The following CLMP variants were observed in gnomAD, a reference collection of about 807,000 sequenced individuals.
CLMP encodes the protein CXADR like cell adhesion molecule, also known as CXADR-like membrane protein.
Under a neutral mutation model 45.2 loss-of-function variants are expected in CLMP, and 27 were observed. The observed-to-expected ratio is 0.60, with a 90% CI of 0.44 to 0.82. CLMP has a LOEUF of 0.82. CLMP is among the 40% of genes least tolerant of loss of function. CLMP has a pLI of 0.00. For missense variants in CLMP, 403 were observed against 448.4 expected (o/e 0.90, Z 0.91); for synonymous variants, 167 against 171.4 (o/e 0.97, Z 0.20).
chr11:123,158,551 G>A (rs1215028891), intron 1 of CLMP, among the ~76,000 whole-genome samples: 1 of 152,184 alleles, frequency 6.6e-6, no homozygotes, highest in Non-Finnish European at 1.5e-5. Flanking sequence ...CTTTAAAAGG[G>A]CACTGCTCGT....
intron 1 of CLMP, among the ~76,000 whole-genome samples, chr11:123,156,546 T>C (rs1861417661): frequency 6.6e-6 from 1 of 152,244 alleles, no homozygotes; most frequent in Admixed American, 6.5e-5. Context: ...GGGGGATTTT[T>C]TTGGTAGTGA....
At chr11:123,132,787 A>AT (rs550655741) in intron 1 of CLMP, among the ~76,000 whole-genome samples, 4,556 of 144,208 alleles carry the variant, frequency 0.032, 249 homozygotes, top group African/African-American at 0.11. Context: ...TTATTTATTT[A>AT]TTTTTTTTTG....
chr11:123,099,775 C>T (rs1417133044), intron 1 of CLMP, among the ~76,000 whole-genome samples: 1 of 151,958 alleles, frequency 6.6e-6, no homozygotes, highest in Non-Finnish European at 1.5e-5. Context: ...ACAAATTATG[C>T]GGGAAAAGTG....
At position 123,074,601 on chromosome 11, in the gene CLMP, T is replaced by C. The variant is rs994446724; in HGVS notation, c.821+101A>G. The C allele has an allele frequency of 9.0e-6, 11 of 1,224,588 alleles. No individual in the cohort carries two copies. The African/African-American group carries it at 1.5e-4, about 17-fold the overall frequency. 75.9% of individuals were successfully genotyped at this position (1,224,588 alleles called of 1,614,324 possible). ...CTACCAGGATAATCCTTTTAACAGATTCATGGTTAAGAGAAAACTGGGAAC... is the reference window on the plus strand; with the variant it reads ...CTACCAGGATAATCCTTTTAACAGACTCATGGTTAAGAGAAAACTGGGAAC... On this transcript the variant is annotated intron_variant, in intron 6 of 6. Transcript: ENST00000448775.
intron 2 of CLMP, among the ~76,000 whole-genome samples, chr11:123,086,175 G>A (rs184842219): frequency 6.6e-6 from 1 of 152,252 alleles, no homozygotes; most frequent in East Asian, 1.9e-4. Flanking sequence ...GCTTCCCAAA[G>A]TGCTGGGATT....
At chr11:123,176,821 G>A (rs991254105) in intron 1 of CLMP, among the ~76,000 whole-genome samples, 20 of 152,148 alleles carry the variant, frequency 1.3e-4, no homozygotes, top group Non-Finnish European at 2.8e-4. Flanking sequence ...TTTATATGTG[G>A]CATGTGGTGT....
chr11:123,119,324 C>T (rs890845103), intron 1 of CLMP, among the ~76,000 whole-genome samples: 1 of 151,918 alleles, frequency 6.6e-6, no homozygotes, highest in Admixed American at 6.6e-5. Context: ...CTCAGGTGAT[C>T]CGCCTGCCTC....
intron 5 of CLMP, among the ~76,000 whole-genome samples, chr11:123,079,311 C>T (rs187265905): frequency 6.6e-6 from 1 of 152,222 alleles, no homozygotes; most frequent in Admixed American, 6.6e-5. Flanking sequence ...TTTATATTTA[C>T]TAAACTGATA....
At chr11:123,170,972 G>A (rs751153572) in intron 1 of CLMP, among the ~76,000 whole-genome samples, 3 of 152,156 alleles carry the variant, frequency 2.0e-5, no homozygotes, top group African/African-American at 4.8e-5. Context: ...GTGGGGAGAC[G>A]TTCGAATACA....
At position 123,071,099 on chromosome 11, in the gene CLMP, A is replaced by G. The variant is rs1366981131; in HGVS notation, c.*2375T>C. On this transcript the variant is annotated 3_prime_UTR_variant, in exon 7 of 7. Coordinates refer to ENST00000448775, the MANE Select transcript of CLMP (RefSeq NM_024769.5). The stretch of plus-strand genomic sequence containing the variant: ...GAAACATGCTTTCATCACCACATTC[A>G]GCATCAATTTTTTTCTTTCCTCTAA... The G allele has an allele frequency of 2.0e-5, 3 of 152,184 alleles. No individual in the cohort carries two copies. Among genetic ancestry groups the G allele is most frequent in the Non-Finnish European group, 4.4e-5 (3 of 68,056 alleles). The allele number at this position is 152,184 out of a possible 1,614,324, so 9.4% of individuals were successfully genotyped here.
intron 1 of CLMP, among the ~76,000 whole-genome samples, chr11:123,182,327 C>T (rs1027931284): frequency 6.6e-6 from 1 of 152,168 alleles, no homozygotes; most frequent in Non-Finnish European, 1.5e-5. Flanking sequence ...TGTTTCCATC[C>T]GAGCGAGGTC....
At chr11:123,127,818 C>T (rs1453705435) in intron 1 of CLMP, among the ~76,000 whole-genome samples, 1 of 152,044 alleles carries the variant, frequency 6.6e-6, no homozygotes, top group Admixed American at 6.6e-5. Flanking sequence ...GGGCGGATTA[C>T]CTGAGGTTAG....
At chr11:123,170,226 G>A (rs1052451132) in intron 1 of CLMP, among the ~76,000 whole-genome samples, 1 of 152,160 alleles carries the variant, frequency 6.6e-6, no homozygotes, top group Non-Finnish European at 1.5e-5. Flanking sequence ...TTTGTTATGT[G>A]ATGTGCCCGA....
At chr11:123,156,551 T>C (rs1861418349) in intron 1 of CLMP, among the ~76,000 whole-genome samples, 1 of 152,198 alleles carries the variant, frequency 6.6e-6, no homozygotes, top group Non-Finnish European at 1.5e-5. Context: ...ATTTTTTTGG[T>C]AGTGATAGAT....
At chr11:123,164,675 C>G (rs757181052) in intron 1 of CLMP, among the ~76,000 whole-genome samples, 3 of 152,110 alleles carry the variant, frequency 2.0e-5, no homozygotes, top group African/African-American at 7.2e-5. Flanking sequence ...ACTTTAAACA[C>G]CGTGACAATT....
intron 1 of CLMP, among the ~76,000 whole-genome samples, chr11:123,106,899 A>G (rs1285014282): frequency 1.3e-5 from 2 of 151,872 alleles, no homozygotes; most frequent in African/African-American, 4.8e-5. Flanking sequence ...GGGCGCCTGT[A>G]GTCCCAGCTA....
intron 1 of CLMP, among the ~76,000 whole-genome samples, chr11:123,152,739 C>T (rs1861356750): frequency 6.6e-6 from 1 of 152,060 alleles, no homozygotes; most frequent in African/African-American, 2.4e-5. Context: ...ATACACCCCT[C>T]AAGGACAGGT....
intron 1 of CLMP, among the ~76,000 whole-genome samples, chr11:123,185,021 T>C (rs1374635313): frequency 6.6e-6 from 1 of 152,128 alleles, no homozygotes; most frequent in East Asian, 1.9e-4. Context: ...GCTCTGTGTC[T>C]GGAGAGTCAG....
intron 1 of CLMP, among the ~76,000 whole-genome samples, chr11:123,167,116 G>A (rs948531689): frequency 3.9e-5 from 6 of 152,164 alleles, no homozygotes; most frequent in African/African-American, 1.2e-4. Flanking sequence ...GGTATTTGAT[G>A]AGTGATAGCG....
Sources: gnomAD v4.1 joint callset for allele counts (sites outside exome capture counted in the v4.1 genomes callset) on GRCh38, gnomAD v4.1.1 for gene constraint, MANE v1.5 for transcripts, NCBI Gene and HGNC (gene_info 2026-07-23, HGNC 2026-07-21) for gene names.